Variants in SAMD3 observed in about 807,000 individuals in gnomAD.
SAMD3 encodes the protein sterile alpha motif domain-containing protein 3.
In SAMD3, 63 loss-of-function variants were observed where a neutral mutation model predicts 58.5. The observed-to-expected ratio is 1.08, with a 90% CI of 0.88 to 1.33. SAMD3 has a LOEUF of 1.33. Among genes scored for constraint, SAMD3 ranks in the 40% most tolerant of loss-of-function variants. SAMD3 has a pLI of 0.00. For missense variants in SAMD3, 604 were observed against 608.4 expected, an observed-to-expected ratio of 0.99 and a Z score of 0.08; for synonymous variants, 220 against 210.3, an observed-to-expected ratio of 1.05 and a Z score of -0.40.
intron 2 of SAMD3, among the ~76,000 whole-genome samples, chr6:130,237,890 G>A (rs1029260497): frequency 2.0e-5 from 3 of 152,078 alleles, no homozygotes; most frequent in Non-Finnish European, 2.9e-5. Context: ...CAAATGTAGG[G>A]TGTTTAAAAA....
chr6:130,269,747 C>T (rs1420277364), intron 2 of SAMD3, among the ~76,000 whole-genome samples: 2 of 151,298 alleles, frequency 1.3e-5, no homozygotes, highest in African/African-American at 4.9e-5. Flanking sequence ...ATCCTTCCTT[C>T]TGCTTGCTTT....
chr6:130,355,152 G>A (rs938178987), intron 1 of SAMD3, among the ~76,000 whole-genome samples: 13 of 152,136 alleles, frequency 8.5e-5, no homozygotes, highest in African/African-American at 2.9e-4. Context: ...GCCCAGGCAC[G>A]GTGGCTCACG....
At chr6:130,297,037 C>T (rs1775594958) in intron 2 of SAMD3, among the ~76,000 whole-genome samples, 1 of 152,304 alleles carries the variant, frequency 6.6e-6, no homozygotes, top group Middle Eastern at 3.4e-3. Context: ...TGACGACAAG[C>T]CAGCTTTTAC....
intron 8 of SAMD3, among the ~76,000 whole-genome samples, chr6:130,165,051 A>G (rs1790604509): frequency 6.6e-6 from 1 of 152,230 alleles, no homozygotes; most frequent in Non-Finnish European, 1.5e-5. Context: ...AGACTTCAAT[A>G]CTTCACTTTC....
At chr6:130,354,027 C>A (rs1777755427) in intron 1 of SAMD3, among the ~76,000 whole-genome samples, 1 of 152,120 alleles carries the variant, frequency 6.6e-6, no homozygotes, top group African/African-American at 2.4e-5. Flanking sequence ...TGAACAGAAA[C>A]TTTTCAAAAG....
intron 2 of SAMD3, among the ~76,000 whole-genome samples, chr6:130,284,044 G>A (rs1168271849): frequency 2.0e-5 from 3 of 152,144 alleles, no homozygotes; most frequent in Non-Finnish European, 2.9e-5. Context: ...GTAGAGACCC[G>A]GTTTTACCAT....
At chr6:130,231,793 G>A (rs1796556790) in intron 2 of SAMD3, among the ~76,000 whole-genome samples, 1 of 151,972 alleles carries the variant, frequency 6.6e-6, no homozygotes, top group Non-Finnish European at 1.5e-5. Flanking sequence ...CAGTCAAAAG[G>A]TATGAACAAT....
chr6:130,167,161 T>G (rs912506225), intron 8 of SAMD3, among the ~76,000 whole-genome samples: 2 of 151,928 alleles, frequency 1.3e-5, no homozygotes, highest in African/African-American at 4.8e-5. Context: ...TTTAAAAGAG[T>G]GTCAGTTTAA....
intron 1 of SAMD3, among the ~76,000 whole-genome samples, chr6:130,356,134 G>T (rs990946378): frequency 6.6e-6 from 1 of 152,070 alleles, no homozygotes; most frequent in Non-Finnish European, 1.5e-5. Context: ...AGTCTTCGTT[G>T]GTTTCCCATC....
At chr6:130,296,500 A>G (rs960911099) in intron 2 of SAMD3, among the ~76,000 whole-genome samples, 2 of 152,154 alleles carry the variant, frequency 1.3e-5, no homozygotes, top group Non-Finnish European at 2.9e-5. Context: ...GTGAAGGAAT[A>G]TCATCTCCTG....
chr6:130,354,688 AT>A (rs1777774749), intron 1 of SAMD3, among the ~76,000 whole-genome samples: 1 of 152,204 alleles, frequency 6.6e-6, no homozygotes, highest in Non-Finnish European at 1.5e-5. Context: ...GATTAAAAAA[AT>A]AACTATTGGG....
intron 1 of SAMD3, among the ~76,000 whole-genome samples, chr6:130,357,118 CTTTTTTTTT>C (rs1169066063): frequency 1.1e-4 from 10 of 91,714 alleles, no homozygotes; most frequent in African/African-American, 2.7e-4. Flanking sequence ...GCCATGGCAT[CTTTTTTTTT>C]TTTTTTTTTT....
chr6:130,178,392 A>C lies in SAMD3; in HGVS notation c.655-2384T>G, dbSNP rs1351624782. On this transcript the variant is annotated intron_variant, in intron 7 of 11. Transcript: ENST00000439090. ...TGAGTGCGGGGAAGGGAAAAAAAAA[A>C]AAACCCCTGCAGGCATATGGGCCTG... Among the ~76,000 whole-genome samples the C allele has an allele frequency of 7.2e-5, 11 of 152,156 alleles. No individual in the cohort carries two copies. In the East Asian group the frequency reaches 1.4e-3, roughly 19 times the overall value.
At chr6:130,298,676 G>C (rs1368025949) in intron 2 of SAMD3, among the ~76,000 whole-genome samples, 3 of 152,098 alleles carry the variant, frequency 2.0e-5, no homozygotes, top group Non-Finnish European at 4.4e-5. Context: ...TCACTTAAAA[G>C]ACACAGAGTG....
intron 1 of SAMD3, among the ~76,000 whole-genome samples, chr6:130,331,029 G>T (rs1160201876): frequency 6.6e-6 from 1 of 152,204 alleles, no homozygotes; most frequent in East Asian, 1.9e-4. Context: ...GTGCAACAGG[G>T]AGTAGAAATT....
chr6:130,346,746 C>T (rs573734243), intron 1 of SAMD3, among the ~76,000 whole-genome samples: 96 of 152,300 alleles, frequency 6.3e-4, no homozygotes, highest in Non-Finnish European at 1.1e-3. Flanking sequence ...TCTCCCAGCA[C>T]GCAGCTGGAG....
intron 2 of SAMD3, among the ~76,000 whole-genome samples, chr6:130,255,903 A>T (rs1355113838): frequency 6.6e-6 from 1 of 151,832 alleles, no homozygotes; most frequent in Admixed American, 6.6e-5. Flanking sequence ...TTTATTAGAT[A>T]ACTTAATCCA....
intron 2 of SAMD3, among the ~76,000 whole-genome samples, chr6:130,252,628 T>C (rs1773777021): frequency 6.6e-6 from 1 of 152,172 alleles, no homozygotes; most frequent in South Asian, 2.1e-4. Flanking sequence ...GTTACAACAC[T>C]AGCTAAGAAA....
intron 5 of SAMD3, among the ~76,000 whole-genome samples, chr6:130,190,415 G>A (rs6900507): frequency 0.16 from 23,775 of 151,928 alleles, 1,942 homozygotes; most frequent in African/African-American, 0.22. Flanking sequence ...ATTTTAAAGC[G>A]GCCATTCTAA....
Sources: allele counts gnomAD v4.1 joint callset (sites outside exome capture counted in the v4.1 genomes callset), GRCh38; gene constraint gnomAD v4.1.1; transcripts MANE v1.5; gene names NCBI Gene and HGNC (gene_info 2026-07-23, HGNC 2026-07-21).